SLC15A4: variants seen among roughly 807,000 people sequenced by gnomAD.
The protein encoded by SLC15A4 is solute carrier family 15 member 4.
SLC15A4 carries 26 observed loss-of-function variants against 46.1 expected under a neutral mutation model. The observed-to-expected ratio is 0.56, with a 90% confidence interval of 0.41 to 0.78. SLC15A4 has a LOEUF of 0.78. Ranked by LOEUF, SLC15A4 falls within the 30% of genes least tolerant of loss-of-function variation. The pLI is 0.00. For synonymous variants in SLC15A4, 370 were observed against 333.4 expected (o/e 1.11, Z -1.20); for missense variants, 751 against 755.7 (o/e 0.99, Z 0.07).
At chr12:128,802,353 A>C (rs1955527512) in intron 5 of SLC15A4, among the ~76,000 whole-genome samples, 1 of 152,146 alleles carries the variant, frequency 6.6e-6, no homozygotes, top group Non-Finnish European at 1.5e-5. Context: ...TCAAACACGA[A>C]GAATGAACTG....
chr12:128,802,131 C>T (rs1466562063), intron 5 of SLC15A4, among the ~76,000 whole-genome samples: 1 of 152,170 alleles, frequency 6.6e-6, no homozygotes, highest in Non-Finnish European at 1.5e-5. Flanking sequence ...CCTTCCACTC[C>T]GCCCTCCACG....
At chr12:128,803,065 G>A (rs967187273) in intron 5 of SLC15A4, among the ~76,000 whole-genome samples, 8 of 152,114 alleles carry the variant, frequency 5.3e-5, no homozygotes, top group African/African-American at 4.8e-5. Context: ...CATGGCAAGC[G>A]GGCACCCAGT....
At position 128,806,715 on chromosome 12, in the gene SLC15A4, A is replaced by G. The variant is rs926155419; in HGVS notation, c.1258+2073T>C. 2.6e-5 allele frequency among the ~76,000 whole-genome samples: 4 copies of G among 152,186 alleles called. No individual in the cohort carries two copies. In the East Asian group the frequency reaches 7.7e-4, roughly 29 times the overall value. ...AAAGAACGCCTGTTTCAGGACGCAC[A>G]CATGCTGTGAACTTTCCACTTCCAT... On this transcript the variant is annotated intron_variant, in intron 5 of 7. Transcript: ENST00000266771.
At chr12:128,810,412 C>T (rs775982620) in intron 2 of SLC15A4, 2 of 335,248 alleles carry the variant, frequency 6.0e-6, no homozygotes, top group Non-Finnish European at 1.1e-5. Context: ...CTGAGAGCCC[C>T]AGCGCAGCTG....
chr12:128,801,074 T>C (rs1955513533), intron 5 of SLC15A4, 65 bp from the exon 6 acceptor site: 3 of 1,451,832 alleles, frequency 2.1e-6, no homozygotes, highest in Admixed American at 4.3e-5. Context: ...TCTAAAAATC[T>C]GATGTTGGCT....
chr12:128,814,234 CGTATGATGGACCTGACCGCT>C (rs71072405), intron 2 of SLC15A4: 8,950 of 168,428 alleles, frequency 0.053, 369 homozygotes, highest in Middle Eastern at 0.098. Context: ...ACCTGACCGC[CGTATGATGGACCTGACCGCT>C]GTATGATGGA....
chr12:128,808,976 G>C lies in SLC15A4; in HGVS notation c.1090-20C>G, dbSNP rs202166591. 5.0e-6 allele frequency: 8 copies of C among 1,605,904 alleles called. No individual in the cohort carries two copies. The highest frequency in any genetic ancestry group is 6.8e-6 in the Non-Finnish European group (8 of 1,175,456). On this transcript the variant is annotated intron_variant, in intron 4 of 7. Coordinates refer to ENST00000266771, the MANE Select transcript of SLC15A4 (RefSeq NM_145648.4). ...AGGGAGCTGGGGTGAAACACAGGAG[G>C]AGGCGTTTACTCCCCGCAATACAGG...
chr12:128,801,750 A>G (rs1955521175), intron 5 of SLC15A4: 1 of 152,242 alleles, frequency 6.6e-6, no homozygotes, highest in East Asian at 1.9e-4. Flanking sequence ...GGTTAAAGAT[A>G]CCACCAAGTT....
intron 1 of SLC15A4, chr12:128,819,815 G>A (rs770935699): frequency 2.6e-5 from 4 of 152,240 alleles, no homozygotes; most frequent in Non-Finnish European, 4.4e-5. Flanking sequence ...AGATTCATCT[G>A]AGATAACCGA....
intron 5 of SLC15A4, among the ~76,000 whole-genome samples, chr12:128,806,969 T>C (rs989419123): frequency 6.9e-6 from 1 of 145,518 alleles, no homozygotes; most frequent in Non-Finnish European, 1.5e-5. Flanking sequence ...AGTGGCGCGA[T>C]CTCGGCTCAC....
intron 3 of SLC15A4, chr12:128,809,727 A>G: frequency 1.8e-6 from 1 of 547,530 alleles, no homozygotes; most frequent in Non-Finnish European, 3.2e-6. Flanking sequence ...AAAAACCAGA[A>G]GCGTACCTGT....
At chr12:128,796,235 C>T (rs1955440443) in intron 7 of SLC15A4, among the ~76,000 whole-genome samples, 1 of 151,940 alleles carries the variant, frequency 6.6e-6, no homozygotes, top group Admixed American at 6.6e-5. Context: ...ATCAGCCTGG[C>T]CAACACGATG....
chr12:128,807,651 G>A (rs1162542350), intron 5 of SLC15A4, among the ~76,000 whole-genome samples: 1 of 152,220 alleles, frequency 6.6e-6, no homozygotes, highest in Non-Finnish European at 1.5e-5. Flanking sequence ...CTGCTGAACC[G>A]CAGCCTGCAG....
At chr12:128,805,427 G>A (rs1165434281) in intron 5 of SLC15A4, among the ~76,000 whole-genome samples, 1 of 152,126 alleles carries the variant, frequency 6.6e-6, no homozygotes, top group Non-Finnish European at 1.5e-5. Context: ...TCCCATATAT[G>A]AGGAACTGAA....
intron 3 of SLC15A4, 64 bp downstream of exon 3, chr12:128,809,879 A>G: frequency 6.6e-7 from 1 of 1,513,632 alleles, no homozygotes; most frequent in Non-Finnish European, 8.9e-7. Flanking sequence ...AATGGCCAAA[A>G]CAAGTGCTAG....
At position 128,794,073 on chromosome 12, in the gene SLC15A4, G is replaced by A. The variant is rs933454881; in HGVS notation, c.*123C>T. ...AGAGGGAAAGAAGAAATCAATCCAG[G>A]CAACATGCAAGTTTCAGTGAAGTCA... On this transcript the variant is annotated 3_prime_UTR_variant, in exon 8 of 8. Transcript: ENST00000266771. 2 of 994,234 alleles carry A rather than the reference G, an allele frequency of 2.0e-6. No homozygotes were observed. Among genetic ancestry groups the A allele is most frequent in the African/African-American group, 1.6e-5 (1 of 61,510 alleles). The allele number at this position is 994,234 out of a possible 1,614,324, so 61.6% of individuals were successfully genotyped here.
At position 128,809,992 on chromosome 12, in the gene SLC15A4, A is replaced by T; in HGVS notation, c.962T>A (p.Ile321Asn). The T allele has an allele frequency of 6.2e-7, 1 of 1,614,200 alleles. No individual in the cohort carries two copies. Among genetic ancestry groups the T allele is most frequent in the African/African-American group, 1.3e-5 (1 of 75,072 alleles). Residue 321 changes from isoleucine (I) to asparagine (N), a missense_variant, in exon 3 of 8, where the codon ATT (isoleucine) becomes AAT (asparagine). Ile to Asn is a moderately radical substitution (Grantham distance 149). Transcript: ENST00000266771. Reference protein sequence around the residue: ...KVEDVKALVKIVPVFLALIPY... With the variant: ...KVEDVKALVKNVPVFLALIPY... ...TATCAAAGCCAAGAAAACAGGGACA[A>T]TCTTGACCAGAGCTTTCACATCTTC...
intron 7 of SLC15A4, among the ~76,000 whole-genome samples, chr12:128,798,031 T>G (rs753355154): frequency 2.6e-5 from 4 of 152,158 alleles, no homozygotes; most frequent in Non-Finnish European, 5.9e-5. Context: ...ACAAACAACC[T>G]GTCAGACAGA....
At chr12:128,794,719 G>A (rs3825181) in intron 7 of SLC15A4, among the ~76,000 whole-genome samples, 50,896 of 152,078 alleles carry the variant, frequency 0.33, 8,887 homozygotes, top group African/African-American at 0.45. Flanking sequence ...ACACACATGC[G>A]GTGGTGAAGG....
Sources: gnomAD v4.1 joint callset for allele counts (sites outside exome capture counted in the v4.1 genomes callset) on GRCh38, gnomAD v4.1.1 for gene constraint, MANE v1.5 for transcripts, NCBI Gene and HGNC (gene_info 2026-07-23, HGNC 2026-07-21) for gene names.